SBF2: variants seen among roughly 807,000 people sequenced by gnomAD.
SBF2 encodes myotubularin-related protein 13.
Under a neutral mutation model 225.2 loss-of-function variants are expected in SBF2, and 112 were observed. The ratio of observed to expected loss-of-function variants is 0.50; its 90% CI spans 0.43 to 0.58. The LOEUF is 0.58. Ranked by LOEUF, SBF2 falls within the 20% of genes least tolerant of loss-of-function variation. SBF2 has a pLI of 0.00. For synonymous variants in SBF2, 763 were observed against 773.3 expected (o/e 0.99, Z 0.22); for missense variants, 1,996 against 2,206.2 (o/e 0.90, Z 1.91).
intron 1 of SBF2, among the ~76,000 whole-genome samples, chr11:10,290,016 G>A (rs1354718487): frequency 2.0e-5 from 3 of 152,172 alleles, no homozygotes; most frequent in Non-Finnish European, 2.9e-5. Flanking sequence ...TGACACCACC[G>A]CCCGCACCTC....
intron 2 of SBF2, among the ~76,000 whole-genome samples, chr11:10,134,705 T>C (rs1211754445): frequency 1.3e-5 from 2 of 152,230 alleles, no homozygotes; most frequent in East Asian, 1.9e-4. Context: ...CCAGGTCTCA[T>C]ATCCAGGTCA....
Position 9,979,985 on chromosome 11 carries a change from A to AT in SBF2, c.1395+9511dup, listed in dbSNP as rs530210466. Among the ~76,000 whole-genome samples, 168 of 145,512 alleles carry AT rather than the reference A, an allele frequency of 1.2e-3. 1 individual carries two copies. The highest frequency in any genetic ancestry group is 2.1e-3 in the African/African-American group (84 of 39,244). On this transcript the variant is annotated intron_variant, in intron 13 of 39. Transcript: ENST00000256190. The stretch of plus-strand genomic sequence containing the variant: ...CTATAGGTGTCCATCACCACATGTA[A>AT]TTTTTTTTTTTTTCAAGACAGAGTC...
At chr11:9,818,264 G>C (rs1407774107) in intron 28 of SBF2, among the ~76,000 whole-genome samples, 1 of 152,208 alleles carries the variant, frequency 6.6e-6, no homozygotes, top group Non-Finnish European at 1.5e-5. Flanking sequence ...TACCTTCTAA[G>C]AGAAAGGGCA....
At chr11:10,012,274 T>C (rs577802827) in intron 6 of SBF2, among the ~76,000 whole-genome samples, 1 of 152,272 alleles carries the variant, frequency 6.6e-6, no homozygotes, top group East Asian at 1.9e-4. Flanking sequence ...GCTTCCTGCA[T>C]AGCTGGGACT....
intron 1 of SBF2, among the ~76,000 whole-genome samples, chr11:10,266,998 G>A (rs1962061146): frequency 6.6e-6 from 1 of 152,208 alleles, no homozygotes; most frequent in African/African-American, 2.4e-5. Flanking sequence ...GAAGGCTGAG[G>A]CAGGAGAATC....
At chr11:9,933,833 G>C (rs1453199483) in intron 16 of SBF2, among the ~76,000 whole-genome samples, 1 of 152,152 alleles carries the variant, frequency 6.6e-6, no homozygotes, top group African/African-American at 2.4e-5. Context: ...AAGAGATAGA[G>C]ACACAAAAAA....
In SBF2 at chr11:9,858,251, T is replaced by G. The variant is rs764612430; in HGVS notation, c.2075A>C (p.Asn692Thr). The change falls in exon 18 of 40, where the codon AAT becomes ACT. Residue 692 changes from asparagine (N) to threonine (T), a missense_variant. Coordinates refer to ENST00000256190, the MANE Select transcript of SBF2 (RefSeq NM_030962.4). ...CTTTTGCTTCAGATGCGGGGCATGA[T>G]TGTCTTCCTTGGCTGAGAGATAAAG... ...RSLYLSAKED[N>T]HAPHLKQKDK... 1 of 1,614,230 alleles carries G rather than the reference T, an allele frequency of 6.2e-7. No homozygotes were observed. Among genetic ancestry groups the G allele is most frequent in the Admixed American group, 1.7e-5 (1 of 60,030 alleles).
intron 2 of SBF2, among the ~76,000 whole-genome samples, chr11:10,155,692 A>C (rs1955441784): frequency 6.6e-6 from 1 of 152,242 alleles, no homozygotes; most frequent in Non-Finnish European, 1.5e-5. Context: ...TTATTCTAAA[A>C]TAAAGTAACA....
chr11:9,922,082 A>G (rs1269115732), intron 16 of SBF2, among the ~76,000 whole-genome samples: 1 of 151,886 alleles, frequency 6.6e-6, no homozygotes, highest in Non-Finnish European at 1.5e-5. Context: ...CTCCGATTGT[A>G]CAAAAAACTT....
intron 1 of SBF2, among the ~76,000 whole-genome samples, chr11:10,254,901 A>C (rs1314346120): frequency 1.5e-4 from 2 of 13,198 alleles, no homozygotes; most frequent in Non-Finnish European, 3.7e-4. Context: ...ACTCTGTCTC[A>C]AAAAAAAAAA....
chr11:10,176,351 T>C (rs1239714371), intron 2 of SBF2, among the ~76,000 whole-genome samples: 1 of 151,034 alleles, frequency 6.6e-6, no homozygotes, highest in African/African-American at 2.4e-5. Flanking sequence ...AGAGCAGAAC[T>C]GAAGGAAATA....
intron 1 of SBF2, among the ~76,000 whole-genome samples, chr11:10,281,861 A>C (rs1399564273): frequency 1.3e-5 from 2 of 152,204 alleles, no homozygotes; most frequent in Non-Finnish European, 2.9e-5. Context: ...CTTCCAATTT[A>C]AGTCATAACA....
At chr11:10,068,500 A>G (rs764489072) in intron 2 of SBF2, among the ~76,000 whole-genome samples, 2 of 152,164 alleles carry the variant, frequency 1.3e-5, no homozygotes, top group Admixed American at 6.5e-5. Flanking sequence ...TTCTAGAATA[A>G]AAGACATATT....
intron 1 of SBF2, among the ~76,000 whole-genome samples, chr11:10,212,364 C>T (rs1957970210): frequency 6.6e-6 from 1 of 152,192 alleles, no homozygotes; most frequent in Non-Finnish European, 1.5e-5. Flanking sequence ...CTTCCAATAA[C>T]TCCTGAAAGG....
intron 8 of SBF2, among the ~76,000 whole-genome samples, chr11:9,999,333 T>G (rs192777196): frequency 1.8e-3 from 270 of 148,528 alleles, no homozygotes; most frequent in South Asian, 2.8e-3. Flanking sequence ...ATGTATGTAT[T>G]TATTTTTGAG....
intron 1 of SBF2, among the ~76,000 whole-genome samples, chr11:10,224,868 G>T (rs756336693): frequency 6.6e-6 from 1 of 152,136 alleles, no homozygotes; most frequent in Non-Finnish European, 1.5e-5. Flanking sequence ...CAGGCCTACA[G>T]CTCCATGAGA....
chr11:9,858,775 T>C (rs868623349), intron 17 of SBF2, among the ~76,000 whole-genome samples: 1 of 152,316 alleles, frequency 6.6e-6, no homozygotes, highest in African/African-American at 2.4e-5. Flanking sequence ...TAACATTTCT[T>C]CTATGGCTTT....
chr11:10,040,980 C>G (rs1949630913), intron 3 of SBF2, among the ~76,000 whole-genome samples: 1 of 151,998 alleles, frequency 6.6e-6, no homozygotes, highest in Non-Finnish European at 1.5e-5. Flanking sequence ...TTATAAACAT[C>G]TGCCATTAAT....
chr11:9,897,357 C>A (rs188754721), intron 16 of SBF2, among the ~76,000 whole-genome samples: 117 of 152,136 alleles, frequency 7.7e-4, no homozygotes, highest in Non-Finnish European at 1.3e-3. Flanking sequence ...CATGCTTCAG[C>A]CTCCCGAGTA....
Sources: gnomAD v4.1 joint callset for allele counts (sites outside exome capture counted in the v4.1 genomes callset) on GRCh38, gnomAD v4.1.1 for gene constraint, MANE v1.5 for transcripts, NCBI Gene and HGNC (gene_info 2026-07-23, HGNC 2026-07-21) for gene names.